Variants in CCDC191 observed in about 807,000 individuals in gnomAD.
The protein encoded by CCDC191 is coiled-coil domain containing 191.
A neutral mutation model predicts 114.0 loss-of-function variants in CCDC191; 99 were observed. The ratio of observed to expected loss-of-function variants is 0.87; its 90% CI spans 0.74 to 1.03. The LOEUF (loss-of-function observed/expected upper bound fraction) is 1.03. CCDC191 is among the 50% of genes least tolerant of loss of function. The probability of loss-of-function intolerance (pLI) is 0.00; values close to 1 mark genes in which losing one functional copy is unlikely to be tolerated. For synonymous variants in CCDC191, 351 were observed against 376.0 expected (o/e 0.93, Z 0.77); for missense variants, 973 against 1,087.0 (o/e 0.90, Z 1.47).
At position 113,978,277 on chromosome 3, in the gene CCDC191, T is replaced by G. The variant is rs768362271; in HGVS notation, c.2515A>C (p.Lys839Gln). Residue 839 changes from lysine (K) to glutamine (Q), a missense_variant, in exon 16 of 17, where the codon AAG becomes CAG. Coordinates refer to ENST00000295878, the MANE Select transcript of CCDC191 (RefSeq NM_020817.2). The part of the protein sequence containing the change: ...VRKFCVHFLQ[K>Q]KIFRAWFNMV... ...TTAAACCAGGCCCTGAAAATCTTCT[T>G]TTGAAGAAAATGTACACAAAATTTT... 1.7e-4 allele frequency: 267 copies of G among 1,613,882 alleles called. No homozygotes were observed. Among genetic ancestry groups the G allele is most frequent in the Non-Finnish European group, 2.0e-4 (241 of 1,179,944 alleles).
intron 13 of CCDC191, among the ~76,000 whole-genome samples, chr3:113,983,257 TCTAAATAG>T (rs2075234391): frequency 6.6e-6 from 1 of 152,208 alleles, no homozygotes; most frequent in Admixed American, 6.5e-5. Flanking sequence ...CTCCTTATCC[TCTAAATAG>T]CTATTTATAG....
intron 8 of CCDC191, among the ~76,000 whole-genome samples, chr3:114,016,486 T>A (rs2076160205): frequency 6.6e-6 from 1 of 152,212 alleles, no homozygotes. Flanking sequence ...GATCAGATGA[T>A]CCTTGAGGTG....
chr3:114,005,508 T>C lies in CCDC191; in HGVS notation c.1868A>G (p.Asn623Ser), dbSNP rs1183228031. The change falls in exon 10 of 17, where the codon AAT (asparagine) becomes AGT (serine). Residue 623 changes from asparagine (N) to serine (S), a missense_variant and splice_region_variant. Transcript: ENST00000295878. ...EEPRTCQMLV[N>S]SPVASPGTEG... The stretch of plus-strand genomic sequence containing the variant: ...GCGAGTTCTGATAGAACAGACATAC[T>C]TCACAAGCATCTGGCAGGTTCTTGG... The C allele has an allele frequency of 6.2e-7, 1 of 1,604,032 alleles. No homozygotes were observed. The highest frequency in any genetic ancestry group is 8.5e-7 in the Non-Finnish European group (1 of 1,176,106).
intron 13 of CCDC191, among the ~76,000 whole-genome samples, chr3:113,988,626 C>CAAAAAA (rs887679387): frequency 3.9e-4 from 17 of 43,574 alleles, no homozygotes; most frequent in South Asian, 1.9e-3. Context: ...GACTCCATCT[C>CAAAAAA]AAAAAAAAAA....
chr3:113,992,734 A>AAAGAATTAATG (rs1472028020), intron 13 of CCDC191, among the ~76,000 whole-genome samples: 1 of 152,208 alleles, frequency 6.6e-6, no homozygotes, highest in Non-Finnish European at 1.5e-5. Flanking sequence ...TAATAAAAAA[A>AAAGAATTAATG]AAGAATTAAT....
intron 16 of CCDC191, among the ~76,000 whole-genome samples, chr3:113,968,328 C>T (rs926314450): frequency 6.6e-6 from 1 of 152,202 alleles, no homozygotes; most frequent in Non-Finnish European, 1.5e-5. Flanking sequence ...AGCCATTTTA[C>T]TGGCATAAGA....
At chr3:114,009,275 C>A (rs540187780) in intron 9 of CCDC191, among the ~76,000 whole-genome samples, 1 of 152,144 alleles carries the variant, frequency 6.6e-6, no homozygotes, top group Non-Finnish European at 1.5e-5. Flanking sequence ...ATGAATTAAT[C>A]CTAGCTTACT....
chr3:113,968,683 C>T (rs1484843492), intron 16 of CCDC191, among the ~76,000 whole-genome samples: 7 of 150,858 alleles, frequency 4.6e-5, no homozygotes, highest in African/African-American at 1.7e-4. Flanking sequence ...TGGTCTTGAA[C>T]TCCTTGACTC....
chr3:114,004,852 C>T, intron 10 of CCDC191, 106 bp from the exon 11 acceptor site: 1 of 1,186,882 alleles, frequency 8.4e-7, no homozygotes, highest in Non-Finnish European at 1.2e-6. Context: ...TGAATCCCTA[C>T]TCTCTGAGAT....
intron 5 of CCDC191, among the ~76,000 whole-genome samples, chr3:114,036,401 T>A (rs1465512142): frequency 6.6e-6 from 1 of 151,844 alleles, no homozygotes; most frequent in African/African-American, 2.4e-5. Flanking sequence ...TCTTTTTGGC[T>A]ATTTCTTAAA....
intron 3 of CCDC191, among the ~76,000 whole-genome samples, chr3:114,043,958 G>T (rs575130528): frequency 6.6e-6 from 1 of 152,150 alleles, no homozygotes; most frequent in East Asian, 1.9e-4. Flanking sequence ...AGACGGGGAA[G>T]GCCAAGGATA....
intron 14 of CCDC191, among the ~76,000 whole-genome samples, chr3:113,979,326 T>C (rs2075055544): frequency 6.6e-6 from 1 of 152,178 alleles, no homozygotes; most frequent in Non-Finnish European, 1.5e-5. Context: ...GCTGGCAACA[T>C]TCTCAATTTG....
Position 113,980,704 on chromosome 3 carries a change from T to C in CCDC191, c.2253A>G (p.Lys751=). The change falls in exon 14 of 17, where the codon AAA becomes AAG. Residue 751 remains lysine (K), a synonymous_variant. Coordinates refer to ENST00000295878, the MANE Select transcript of CCDC191 (RefSeq NM_020817.2). ...KEHYERVLLR[K]KGLEPWKRLR... is the part of the protein sequence containing the mutation. ...ATCTCTTCCAAGGCTCTAGACCTTTTTTCCTTAGCAAGACCCTTTCATAAT... is the reference window on the plus strand; with the variant it reads ...ATCTCTTCCAAGGCTCTAGACCTTTCTTCCTTAGCAAGACCCTTTCATAAT... 1 of 1,610,286 alleles carries C rather than the reference T, an allele frequency of 6.2e-7. No homozygotes were observed. Among genetic ancestry groups the C allele is most frequent in the Non-Finnish European group, 8.5e-7 (1 of 1,178,930 alleles).
intron 9 of CCDC191, among the ~76,000 whole-genome samples, chr3:114,008,178 CTT>C (rs34788479): frequency 2.3e-5 from 3 of 132,234 alleles, no homozygotes; most frequent in Non-Finnish European, 4.9e-5. Context: ...TTTCTGCTGA[CTT>C]TTTTTTTTTT....
chr3:114,000,962 C>G (rs952593452), intron 13 of CCDC191, among the ~76,000 whole-genome samples: 4 of 152,078 alleles, frequency 2.6e-5, no homozygotes, highest in Non-Finnish European at 5.9e-5. Flanking sequence ...GCCCCTTGAT[C>G]TCTTTTCGTC....
intron 7 of CCDC191, among the ~76,000 whole-genome samples, chr3:114,024,021 A>G (rs1444735093): frequency 1.3e-5 from 2 of 152,230 alleles, no homozygotes; most frequent in African/African-American, 4.8e-5. Context: ...AAAAAAATAT[A>G]CAACCCCATC....
chr3:114,049,175 T>C (rs2076668892), intron 2 of CCDC191, among the ~76,000 whole-genome samples: 1 of 152,212 alleles, frequency 6.6e-6, no homozygotes, highest in South Asian at 2.1e-4. Flanking sequence ...AAACATGATC[T>C]CATTAGAGTT....
chr3:114,031,681 T>C lies in CCDC191; in HGVS notation c.917A>G (p.Glu306Gly). 1 of 1,605,820 alleles carries C rather than the reference T, an allele frequency of 6.2e-7. No homozygotes were observed. The highest frequency in any genetic ancestry group is 8.5e-7 in the Non-Finnish European group (1 of 1,172,624). ...ILPDEEKMVK[E>G]RKRKLKEVLI... is the part of the protein sequence containing the mutation. ...TACTTCTTTCAATTTCCTTTTTCTT[T>C]CCTTCACCATTTTTTCCTCATCTGG... The change falls in exon 7 of 17, where the codon GAA (glutamate) becomes GGA (glycine). Residue 306 changes from glutamate to glycine, a missense_variant. Coordinates refer to ENST00000295878, the MANE Select transcript of CCDC191 (RefSeq NM_020817.2).
intron 8 of CCDC191, 100 bp downstream of exon 8, chr3:114,018,578 G>T: frequency 2.1e-6 from 2 of 931,340 alleles, no homozygotes; most frequent in East Asian, 2.6e-5. Context: ...AAGTGGTTAA[G>T]ATTATTCTAG....
Sources: allele counts gnomAD v4.1 joint callset (sites outside exome capture counted in the v4.1 genomes callset), GRCh38; gene constraint gnomAD v4.1.1; transcripts MANE v1.5; gene names NCBI Gene and HGNC (gene_info 2026-07-23, HGNC 2026-07-21).